Variants in CA9 observed in about 807,000 individuals in gnomAD.
CA9 encodes the protein CA-IX.
Under a neutral mutation model 51.8 loss-of-function variants are expected in CA9, and 43 were observed. The ratio of observed to expected loss-of-function variants is 0.83; its 90% confidence interval spans 0.65 to 1.07. CA9 has a LOEUF of 1.07. CA9 is among the 50% of genes least tolerant of loss of function. CA9 has a pLI of 0.00. For missense variants in CA9, 574 were observed against 581.4 expected, an observed-to-expected ratio of 0.99 and a Z score of 0.13; for synonymous variants, 253 against 244.2, an observed-to-expected ratio of 1.04 and a Z score of -0.34.
At chr9:35,675,431 T>A in intron 1 of CA9, 107 bp from the exon 2 acceptor site, 1 of 1,286,636 alleles carries the variant, frequency 7.8e-7, no homozygotes, top group East Asian at 2.3e-5. Context: ...AAGGCATTTG[T>A]TACCCGTAAT....
At position 35,674,120 on chromosome 9, in the gene CA9, C is replaced by A. The variant is rs1824371053; in HGVS notation, c.161C>A (p.Ser54Tyr). The change falls in exon 1 of 11, where the codon TCT becomes TAT. Residue 54 changes from serine (S) to tyrosine (Y), a missense_variant. Coordinates refer to ENST00000378357, the MANE Select transcript of CA9 (RefSeq NM_001216.3). ...GATTCCCCCTTGGGAGGAGGCTCTT[C>A]TGGGGAAGATGACCCACTGGGCGAG... ...QEDSPLGGGS[S>Y]GEDDPLGEED... is the part of the protein sequence containing the mutation. 3 of 1,614,144 alleles carry A rather than the reference C, an allele frequency of 1.9e-6. No individual in the cohort carries two copies. Among genetic ancestry groups the A allele is most frequent in the Non-Finnish European group, 2.5e-6 (3 of 1,179,994 alleles).
chr9:35,679,770 T>G, intron 7 of CA9, 84 bp from the exon 8 acceptor site: 6 of 1,354,870 alleles, frequency 4.4e-6, no homozygotes, highest in Non-Finnish European at 4.0e-6. Context: ...GGTGGAGCCC[T>G]GAGGTGCTGG....
chr9:35,679,020 T>C (rs550523934), intron 6 of CA9, among the ~76,000 whole-genome samples, 165 bp from the exon 7 acceptor site: 2 of 152,242 alleles, frequency 1.3e-5, no homozygotes, highest in Non-Finnish European at 1.5e-5. Flanking sequence ...CAAAGCCCTG[T>C]ACTTTTTTTT....
In CA9 at chr9:35,676,635, G is replaced by A. The variant is rs113365369; in HGVS notation, c.840+246G>A. 5.2e-3 allele frequency among the ~76,000 whole-genome samples: 790 copies of A among 152,306 alleles called. 8 individuals are homozygous for A. The highest frequency in any genetic ancestry group is 0.018 in the African/African-American group (739 of 41,558). On this transcript the variant is annotated intron_variant, in intron 5 of 10. Transcript: ENST00000378357. ...GCCAGTGGGGGAGGCTGACATGACA[G>A]ACACATAGGAAGGACATAGTAAAGA...
chr9:35,675,361 C>T lies in CA9; in HGVS notation c.404-177C>T, dbSNP rs1277382067. ...CAAGCTGGTAGGATTGCTGTTTGGC[C>T]CACCCAGCTGCGGTGTTGAGTTTGG... On this transcript the variant is annotated intron_variant, in intron 1 of 10. Transcript: ENST00000378357. 7.6e-6 allele frequency: 5 copies of T among 660,380 alleles called. No homozygotes were observed. The East Asian group carries it at 1.3e-4, about 18-fold the overall frequency. The allele number at this position is 660,380 out of a possible 1,614,324, so 40.9% of individuals were successfully genotyped here. A position where few individuals can be genotyped will look rare whatever the true frequency, so the allele number is the denominator to read the frequency against.
chr9:35,680,095 T>A lies in CA9; in HGVS notation c.1211-18T>A, dbSNP rs369391332. The A allele has an allele frequency of 5.0e-6, 8 of 1,614,090 alleles. No individual in the cohort carries two copies. The highest frequency in any genetic ancestry group is 6.8e-6 in the Non-Finnish European group (8 of 1,180,012). On this transcript the variant is annotated intron_variant, in intron 8 of 10. Coordinates refer to ENST00000378357, the MANE Select transcript of CA9 (RefSeq NM_001216.3). Reference sequence around the variant, plus strand: ...TGGTGGTCACAGCCCGCCTCTCACATCTCCTTTTTCTCTCCAGTCCAGCTG... The same window carrying A: ...TGGTGGTCACAGCCCGCCTCTCACAACTCCTTTTTCTCTCCAGTCCAGCTG...
chr9:35,676,264 C>T (rs912593906), intron 4 of CA9, 33 bp from the exon 5 acceptor site: 2 of 1,613,518 alleles, frequency 1.2e-6, no homozygotes, highest in Non-Finnish European at 8.5e-7. Flanking sequence ...GGGCCAGAGA[C>T]GTGGCCCTCT....
chr9:35,675,829 C>T lies in CA9; in HGVS notation c.502C>T (p.Pro168Ser). ...GRFQSPVDIR[P>S]QLAAFCPALR... ...CTTCCAGTCCCCGGTGGATATCCGCCCCCAGCTCGCCGCCTTCTGCCCGGC... is the reference window on the plus strand; with the variant it reads ...CTTCCAGTCCCCGGTGGATATCCGCTCCCAGCTCGCCGCCTTCTGCCCGGC... The change falls in exon 3 of 11, where the codon CCC becomes TCC. Residue 168 changes from proline to serine, a missense_variant. Physicochemically the swap from Pro to Ser is moderately conservative, Grantham distance 74. Coordinates refer to ENST00000378357, the MANE Select transcript of CA9 (RefSeq NM_001216.3). The T allele has an allele frequency of 6.2e-7, 1 of 1,604,034 alleles. No homozygotes were observed.
chr9:35,674,321 A>C lies in CA9; in HGVS notation c.362A>C (p.Asp121Ala), dbSNP rs1306477887. ...CTACCTACTGTTGAGGCTCCTGGAGATCCTCAAGAACCCCAGAATAATGCC... is the reference window on the plus strand; with the variant it reads ...CTACCTACTGTTGAGGCTCCTGGAGCTCCTCAAGAACCCCAGAATAATGCC... ...EDLPTVEAPG[D>A]PQEPQNNAHR... Residue 121 changes from aspartate (D) to alanine (A), a missense_variant, in exon 1 of 11, where the codon GAT becomes GCT. Coordinates refer to ENST00000378357, the MANE Select transcript of CA9 (RefSeq NM_001216.3). 3 of 1,613,718 alleles carry C rather than the reference A, an allele frequency of 1.9e-6. No individual in the cohort carries two copies. In the African/African-American group the frequency reaches 4.0e-5, roughly 22 times the overall value.
At chr9:35,675,966 G>C in intron 3 of CA9, 35 bp downstream of exon 3, 1 of 1,600,966 alleles carries the variant, frequency 6.2e-7, no homozygotes, top group Non-Finnish European at 8.5e-7. Context: ...TTGGGGATGG[G>C]GCGGGGCGCA....
At chr9:35,674,388 C>A in intron 1 of CA9, 26 bp downstream of exon 1, 1 of 1,586,660 alleles carries the variant, frequency 6.3e-7, no homozygotes, top group Admixed American at 1.8e-5. Flanking sequence ...TCTCCAAATC[C>A]AGGTTCCAGG....
At chr9:35,680,175 A>AG in intron 9 of CA9, 36 bp downstream of exon 9, 1 of 1,613,726 alleles carries the variant, frequency 6.2e-7, no homozygotes, top group Non-Finnish European at 8.5e-7. Context: ...TGATGCCAGG[A>AG]GACTCCTCAG....
chr9:35,675,624 C>T, intron 2 of CA9, 57 bp downstream of exon 2: 5 of 1,604,468 alleles, frequency 3.1e-6, no homozygotes, highest in Non-Finnish European at 4.3e-6. Flanking sequence ...TGTGGATCTC[C>T]CCTACAGCCG....
rs1273472866 is a variant in CA9 at position 35,674,110 on chromosome 9, G to T, written c.151G>T (p.Gly51Ter). The T allele has an allele frequency of 6.2e-7, 1 of 1,614,184 alleles. No individual in the cohort carries two copies. The highest frequency in any genetic ancestry group is 1.7e-5 in the Admixed American group (1 of 60,028). Residue 51 changes from glycine (G) to a stop codon, truncating the protein, a stop_gained, in exon 1 of 11, where the codon GGA becomes TGA. Transcript: ENST00000378357. LOFTEE classifies it high-confidence loss of function. ...PRMQEDSPLG[G>*]GSSGEDDPLG... Reference sequence around the variant, plus strand: ...GATGCAGGAGGATTCCCCCTTGGGAGGAGGCTCTTCTGGGGAAGATGACCC... The same window carrying T: ...GATGCAGGAGGATTCCCCCTTGGGATGAGGCTCTTCTGGGGAAGATGACCC...
Position 35,675,948 on chromosome 9 carries a change from G to A in CA9, c.604+17G>A. On this transcript the variant is annotated intron_variant, in intron 3 of 10. Transcript: ENST00000378357. ...GCCACAGTGGTGAGGGGGTCTCCCC[G>A]CCGAGACTTGGGGATGGGGCGGGGC... The A allele has an allele frequency of 6.3e-7, 1 of 1,599,570 alleles. No individual in the cohort carries two copies.
chr9:35,674,510 A>C, intron 1 of CA9, 148 bp downstream of exon 1: 2 of 649,782 alleles, frequency 3.1e-6, no homozygotes, highest in South Asian at 2.2e-5. Context: ...CAATATCCCC[A>C]TCCCCACTCT....
intron 1 of CA9, 199 bp downstream of exon 1, chr9:35,674,561 G>C (rs185708708): frequency 2.5e-5 from 14 of 552,496 alleles, no homozygotes; most frequent in African/African-American, 2.5e-4. Context: ...AAATAAAAAG[G>C]GTGCAAAAGG....
intron 7 of CA9, 35 bp from the exon 8 acceptor site, chr9:35,679,819 A>C: frequency 1.3e-6 from 2 of 1,547,074 alleles, no homozygotes; most frequent in Non-Finnish European, 1.7e-6. Context: ...CTGTCATGCC[A>C]TGAACCCACC....
rs368781856 is a variant in CA9, at chr9:35,677,561, G to A, written c.841-229G>A. On this transcript the variant is annotated intron_variant, in intron 5 of 10. Transcript: ENST00000378357. ...CCAAGCTTGTTGGTTCGCACAGCAAGAGTACATAGAGTTTGAAATAATACA... is the reference window on the plus strand; with the variant it reads ...CCAAGCTTGTTGGTTCGCACAGCAAAAGTACATAGAGTTTGAAATAATACA... 3.9e-5 allele frequency among the ~76,000 whole-genome samples: 6 copies of A among 151,922 alleles called. No individual in the cohort carries two copies. The South Asian group carries it at 8.4e-4, about 21-fold the overall frequency.
Sources: allele counts gnomAD v4.1 joint callset (sites outside exome capture counted in the v4.1 genomes callset), GRCh38; gene constraint gnomAD v4.1.1; transcripts MANE v1.5; gene names NCBI Gene and HGNC (gene_info 2026-07-23, HGNC 2026-07-21).